Variants in CPSF6 observed in about 807,000 individuals in gnomAD.
CPSF6 encodes the protein cleavage and polyadenylation specificity factor subunit 6.
A neutral mutation model predicts 56.7 loss-of-function variants in CPSF6; 10 were observed. The observed-to-expected ratio is 0.18, with a 90% CI of 0.11 to 0.30. The LOEUF is 0.30. CPSF6 is among the 10% of genes least tolerant of loss of function. The pLI is 1.00. For missense variants in CPSF6, 419 were observed against 722.9 expected (o/e 0.58, Z 4.82); for synonymous variants, 248 against 244.8 (o/e 1.01, Z -0.12).
chr12:69,251,385 A>G, intron 2 of CPSF6, 47 bp downstream of exon 2: 3 of 1,226,024 alleles, frequency 2.4e-6, no homozygotes, highest in South Asian at 1.3e-5. Flanking sequence ...ATTGATTTTG[A>G]ACTGCTCTAG....
chr12:69,264,577 G>A (rs1872887273), intron 9 of CPSF6, among the ~76,000 whole-genome samples: 1 of 152,106 alleles, frequency 6.6e-6, no homozygotes, highest in East Asian at 1.9e-4. Context: ...AATCACTGAT[G>A]TACCATACCA....
In CPSF6 at chr12:69,268,544, T is replaced by C. The variant is rs1873100653; in HGVS notation, c.*4-968T>C. On this transcript the variant is annotated intron_variant, in intron 9 of 9. Coordinates refer to ENST00000435070, the MANE Select transcript of CPSF6 (RefSeq NM_007007.3). ...TTCAAAATATCACTAAACTGTGCCC[T>C]ATGAACATGTTCAAACTGAAAAAAA... Among the ~76,000 whole-genome samples, 4 of 151,754 alleles carry C rather than the reference T, an allele frequency of 2.6e-5. No homozygotes were observed. In the South Asian group the frequency reaches 8.3e-4, roughly 31 times the overall value.
chr12:69,247,383 TAAAC>T (rs1197847978), intron 1 of CPSF6, among the ~76,000 whole-genome samples: 2 of 151,230 alleles, frequency 1.3e-5, no homozygotes, highest in Non-Finnish European at 3.0e-5. Flanking sequence ...TTTTTTTTTT[TAAAC>T]AAACCCTAAG....
chr12:69,259,772 C>T (rs1012902461), intron 7 of CPSF6, among the ~76,000 whole-genome samples: 1 of 152,194 alleles, frequency 6.6e-6, no homozygotes, highest in African/African-American at 2.4e-5. Flanking sequence ...TTACCCTTGA[C>T]ATTTAATGGT....
Position 69,258,693 on chromosome 12 carries a change from T to C in CPSF6, c.798T>C (p.Pro266=). Residue 266 remains proline (P), a synonymous_variant, in exon 6 of 10, where the codon CCT becomes CCC. Coordinates refer to ENST00000435070, the MANE Select transcript of CPSF6 (RefSeq NM_007007.3). This position sits in a 1 kb window ranked among gnomAD's most constrained non-coding sequence, Gnocchi z 4.2. ...GQVLPPPLAG[P]PNRGDRPPPP... is the part of the protein sequence containing the mutation. ...TTCTGCCTCCTCCTCTAGCTGGGCC[T>C]CCTAATCGAGGAGATCGCCCTCCAC... 1 of 1,614,028 alleles carries C rather than the reference T, an allele frequency of 6.2e-7. No individual in the cohort carries two copies. Among genetic ancestry groups the C allele is most frequent in the South Asian group, 1.1e-5 (1 of 91,076 alleles).
At chr12:69,254,855 T>C (rs1372084181) in intron 3 of CPSF6, 1 of 152,220 alleles carries the variant, frequency 6.6e-6, no homozygotes, top group Admixed American at 6.5e-5. Flanking sequence ...ACTATACGAA[T>C]TGGTAATCAT....
chr12:69,251,264 A>G lies in CPSF6; in HGVS notation c.196A>G (p.Lys66Glu). ...ACCAACTGTTGGTGATGATGTGGGT[A>G]AAGGAGCAGCACCAAATGTTGTCTA... ...LPPTVGDDVGKGAAPNVVYTY... is the reference protein window; with the variant it reads ...LPPTVGDDVGEGAAPNVVYTY... The change falls in exon 2 of 10, where the codon AAA becomes GAA. Residue 66 changes from lysine (K) to glutamate (E), a missense_variant. This residue lies in a region of CPSF6 where 125 missense variants were observed against 216.4 expected (regional missense o/e 0.58). Coordinates refer to ENST00000435070, the MANE Select transcript of CPSF6 (RefSeq NM_007007.3). The G allele has an allele frequency of 6.2e-7, 1 of 1,612,246 alleles. No homozygotes were observed. The highest frequency in any genetic ancestry group is 8.5e-7 in the Non-Finnish European group (1 of 1,179,238).
At chr12:69,248,140 A>G (rs1872013121) in intron 1 of CPSF6, among the ~76,000 whole-genome samples, 1 of 152,226 alleles carries the variant, frequency 6.6e-6, no homozygotes, top group East Asian at 1.9e-4. Context: ...ATAGTAAGTG[A>G]TTGTGATATA....
intron 9 of CPSF6, among the ~76,000 whole-genome samples, chr12:69,263,253 A>G (rs1479271111): frequency 1.3e-5 from 2 of 152,230 alleles, no homozygotes; most frequent in Admixed American, 6.5e-5. Flanking sequence ...GTGTCAAGCC[A>G]TATACCCAAG....
At chr12:69,259,372 G>A in intron 6 of CPSF6, 56 bp from the exon 7 acceptor site, 8 of 1,580,074 alleles carry the variant, frequency 5.1e-6, no homozygotes, top group Non-Finnish European at 6.9e-6. Context: ...ACACTGTTGT[G>A]ACTAACTGAG....
chr12:69,239,805 A>C, intron 1 of CPSF6, 99 bp downstream of exon 1: 2 of 1,184,868 alleles, frequency 1.7e-6, no homozygotes, highest in Non-Finnish European at 1.1e-6. Flanking sequence ...GCGACTGCAG[A>C]GTGTGCGCCC....
chr12:69,256,581 A>G (rs1277920095), intron 3 of CPSF6, 116 bp from the exon 4 acceptor site: 7 of 1,024,312 alleles, frequency 6.8e-6, no homozygotes, highest in Non-Finnish European at 9.9e-6. Context: ...GGCATGAGCC[A>G]CTGTGCCCAG....
intron 3 of CPSF6, among the ~76,000 whole-genome samples, chr12:69,254,607 T>G (rs913413586): frequency 5.3e-5 from 8 of 152,248 alleles, no homozygotes; most frequent in African/African-American, 1.9e-4. Context: ...CTATTACTTC[T>G]CCAGCTCTAG....
At position 69,258,581 on chromosome 12, in the gene CPSF6, G is replaced by GT. The variant is rs780352672; in HGVS notation, c.695-3dup. ...GTTTTTTTTTCTCTCTTTCTCCTTTGTTTTTTAGCTGGACAGACTCCACCA... is the reference window on the plus strand; with the variant it reads ...GTTTTTTTTTCTCTCTTTCTCCTTTGTTTTTTTAGCTGGACAGACTCCACCA... On this transcript the variant is annotated splice_polypyrimidine_tract_variant and intron_variant, in intron 5 of 9. Coordinates refer to ENST00000435070, the MANE Select transcript of CPSF6 (RefSeq NM_007007.3). This position sits in a 1 kb window ranked among gnomAD's most constrained non-coding sequence, Gnocchi z 4.2. The GT allele has an allele frequency of 4.5e-6, 7 of 1,555,414 alleles. No homozygotes were observed. In the South Asian group the frequency reaches 6.0e-5, roughly 13 times the overall value.
Position 69,259,089 on chromosome 12 carries a change from T to C in CPSF6, c.1194T>C (p.Pro398=), listed in dbSNP as rs780423714. 7 of 1,598,872 alleles carry C rather than the reference T, an allele frequency of 4.4e-6. No individual in the cohort carries two copies. In the African/African-American group the frequency reaches 9.3e-5, roughly 21 times the overall value. Residue 398 remains proline (P), a synonymous_variant, in exon 6 of 10, where the codon CCT becomes CCC. Coordinates refer to ENST00000435070, the MANE Select transcript of CPSF6 (RefSeq NM_007007.3). ...PPYDRGDYGP[P]GREMDTARTP... ...ATGATAGGGGTGACTATGGCCCCCC[T>C]GGAAGGTAAGTTAGTGTGTATCTGT... is the stretch of plus-strand genomic sequence containing the variant.
intron 1 of CPSF6, 137 bp from the exon 2 acceptor site, chr12:69,250,992 A>T (rs1872216527): frequency 4.7e-6 from 4 of 848,226 alleles, no homozygotes; most frequent in Non-Finnish European, 7.1e-6. Context: ...TATTGCATAA[A>T]GTGGAAAAAG....
chr12:69,243,970 A>C (rs1184867344), intron 1 of CPSF6, among the ~76,000 whole-genome samples: 1 of 152,096 alleles, frequency 6.6e-6, no homozygotes, highest in Non-Finnish European at 1.5e-5. Flanking sequence ...AGCAGCTGAG[A>C]CTACAGGCAT....
At chr12:69,263,659 A>G (rs766650540) in intron 9 of CPSF6, among the ~76,000 whole-genome samples, 3 of 152,216 alleles carry the variant, frequency 2.0e-5, no homozygotes, top group Admixed American at 6.5e-5. Flanking sequence ...TAGTATTTAA[A>G]TTGTTATGGG....
Position 69,256,801 on chromosome 12 carries a change from A to C in CPSF6, c.479A>C (p.Asn160Thr). The change falls in exon 4 of 10, where the codon AAT becomes ACT. Residue 160 changes from asparagine (N) to threonine (T), a missense_variant. By Grantham distance (65) the Asn-to-Thr change is moderately conservative. Coordinates refer to ENST00000435070, the MANE Select transcript of CPSF6 (RefSeq NM_007007.3). ...HGQNPVVTPC[N>T]KQFLSQFEMQ... ...CAGAATCCTGTTGTAACTCCATGCAATAAACAGTTCCTGAGTCAATTTGAA... is the reference window on the plus strand; with the variant it reads ...CAGAATCCTGTTGTAACTCCATGCACTAAACAGTTCCTGAGTCAATTTGAA... 2 of 1,613,532 alleles carry C rather than the reference A, an allele frequency of 1.2e-6. No individual in the cohort carries two copies. The highest frequency in any genetic ancestry group is 1.7e-6 in the Non-Finnish European group (2 of 1,179,802).
Sources: gnomAD v4.1 joint callset for allele counts (sites outside exome capture counted in the v4.1 genomes callset) on GRCh38, gnomAD v4.1.1 for gene constraint, gnomAD v4.1.1 regional missense constraint, Gnocchi (gnomAD v3.1) non-coding constraint, MANE v1.5 for transcripts, NCBI Gene and HGNC (gene_info 2026-07-23, HGNC 2026-07-21) for gene names.